The following CSMD1 variants were observed in gnomAD, a reference collection of about 807,000 sequenced individuals.
CSMD1 encodes the protein CUB and sushi domain-containing protein 1.
A neutral mutation model predicts 417.5 loss-of-function variants in CSMD1; 213 were observed. That is an observed-to-expected ratio of 0.51 (90% CI 0.46 to 0.57). The LOEUF is 0.57. Among genes scored for constraint, CSMD1 ranks in the 20% least tolerant of loss-of-function variants. The probability of loss-of-function intolerance (pLI) is 0.00; values close to 1 mark genes in which losing one functional copy is unlikely to be tolerated. For missense variants in CSMD1, 6,923 were observed against 4,529.7 expected (o/e 1.53, Z -15.17); for synonymous variants, 2,862 against 1,736.8 (o/e 1.65, Z -16.11).
intron 3 of CSMD1, among the ~76,000 whole-genome samples, chr8:4,419,486 T>G (rs1293217508): frequency 1.3e-5 from 2 of 152,150 alleles, no homozygotes; most frequent in Non-Finnish European, 2.9e-5. Context: ...ATGCCTTGCA[T>G]GATCAAACAA....
In CSMD1 at chr8:3,101,715, G is replaced by A. The variant is rs191696206; in HGVS notation, c.6950-4678C>T. Among the ~76,000 whole-genome samples, 183 of 151,628 alleles carry A rather than the reference G, an allele frequency of 1.2e-3. 1 individual carries two copies. Among genetic ancestry groups the A allele is most frequent in the African/African-American group, 4.0e-3 (167 of 41,382 alleles). On this transcript the variant is annotated intron_variant, in intron 46 of 69. Coordinates refer to ENST00000635120, the MANE Select transcript of CSMD1 (RefSeq NM_033225.6). ...AATAGGATTATAGGCATGAGCCACC[G>A]CATCCGACCAATCCTGACTTTCAAA...
chr8:4,412,208 A>AC (rs1320905110), intron 3 of CSMD1, among the ~76,000 whole-genome samples: 1 of 151,876 alleles, frequency 6.6e-6, no homozygotes, highest in Non-Finnish European at 1.5e-5. Context: ...TTAAATTGTA[A>AC]CCCCCAGTAT....
intron 10 of CSMD1, among the ~76,000 whole-genome samples, chr8:3,571,499 C>A (rs1247650403): frequency 6.6e-6 from 1 of 152,138 alleles, no homozygotes; most frequent in Admixed American, 6.5e-5. Flanking sequence ...GACTCCTCTG[C>A]GACAGAAGCA....
intron 3 of CSMD1, among the ~76,000 whole-genome samples, chr8:4,035,456 AG>A (rs1225792023): frequency 6.6e-6 from 1 of 150,612 alleles, no homozygotes; most frequent in Non-Finnish European, 1.5e-5. Context: ...GGATTCCAAA[AG>A]GAGGCATTAT....
rs572513372 is a variant in CSMD1, at chr8:3,340,250, A to G, written c.3631+3044T>C. ...TCTGAAGACTCGGTTTTTAATTCAT[A>G]AAGAAGAGTAGAAGGAGCTATTTCC... On this transcript the variant is annotated intron_variant, in intron 23 of 69. Transcript: ENST00000635120. Among the ~76,000 whole-genome samples, 5 of 152,324 alleles carry G rather than the reference A, an allele frequency of 3.3e-5. No homozygotes were observed. The East Asian group carries it at 5.8e-4, about 18-fold the overall frequency.
intron 1 of CSMD1, chr8:4,788,048 G>T: frequency 6.3e-7 from 1 of 1,593,368 alleles, no homozygotes. Flanking sequence ...AAATGGTAAA[G>T]AAAAACTTTG....
Position 4,429,609 on chromosome 8 carries a change from G to C in CSMD1, c.303-9544C>G, listed in dbSNP as rs75407599. 3.5e-3 allele frequency among the ~76,000 whole-genome samples: 540 copies of C among 152,242 alleles called. 21 individuals carry two copies. In the East Asian group the frequency reaches 0.047, roughly 13 times the overall value. The stretch of plus-strand genomic sequence containing the variant: ...AGGAGGCAAAGAAAGTCAAAGTTTA[G>C]AGACTATTCCAGAGAGAGAAACGAA... On this transcript the variant is annotated intron_variant, in intron 2 of 69. Transcript: ENST00000635120.
intron 23 of CSMD1, among the ~76,000 whole-genome samples, chr8:3,319,114 T>G (rs1216418598): frequency 6.6e-6 from 1 of 152,078 alleles, no homozygotes; most frequent in Non-Finnish European, 1.5e-5. Context: ...ATCCAGATAA[T>G]AACTGAAGAA....
At chr8:3,703,790 G>C (rs1052068415) in intron 7 of CSMD1, among the ~76,000 whole-genome samples, 3 of 152,136 alleles carry the variant, frequency 2.0e-5, no homozygotes, top group African/African-American at 7.2e-5. Flanking sequence ...TTAACTCTCA[G>C]CTGGGCATGG....
At chr8:4,209,836 C>T (rs945220010) in intron 3 of CSMD1, among the ~76,000 whole-genome samples, 2 of 152,172 alleles carry the variant, frequency 1.3e-5, no homozygotes, top group African/African-American at 4.8e-5. Flanking sequence ...CAATTACATG[C>T]AAAATAAGGA....
chr8:3,497,608 T>C (rs1489106814), intron 10 of CSMD1, among the ~76,000 whole-genome samples: 1 of 152,204 alleles, frequency 6.6e-6, no homozygotes, highest in African/African-American at 2.4e-5. Context: ...CTGATAAAAG[T>C]ATGGCTATTC....
chr8:4,214,011 G>T (rs1800480616), intron 3 of CSMD1, among the ~76,000 whole-genome samples: 1 of 152,160 alleles, frequency 6.6e-6, no homozygotes, highest in Admixed American at 6.5e-5. Context: ...GCAAAGTTCT[G>T]ACGATGTAAG....
chr8:3,721,283 C>G (rs1197805249), intron 6 of CSMD1, among the ~76,000 whole-genome samples: 1 of 152,070 alleles, frequency 6.6e-6, no homozygotes, highest in Admixed American at 6.6e-5. Context: ...CCTCAAGGAT[C>G]TGAGATGAGT....
chr8:4,684,090 T>C (rs1264865481), intron 1 of CSMD1, among the ~76,000 whole-genome samples: 2 of 152,190 alleles, frequency 1.3e-5, no homozygotes, highest in Non-Finnish European at 1.5e-5. Context: ...CCAGGGAATT[T>C]TGTACAAGTG....
At position 3,822,687 on chromosome 8, in the gene CSMD1, A is replaced by G. The variant is rs140894601; in HGVS notation, c.819-68645T>C. Among the ~76,000 whole-genome samples the G allele has an allele frequency of 1.6e-3, 248 of 152,248 alleles. 9 individuals are homozygous for G. In the East Asian group the frequency reaches 0.04, roughly 24 times the overall value. On this transcript the variant is annotated intron_variant, in intron 5 of 69. Coordinates refer to ENST00000635120, the MANE Select transcript of CSMD1 (RefSeq NM_033225.6). The stretch of plus-strand genomic sequence containing the variant: ...TCTTCTCAGCTTCACAGTCACGGCA[A>G]TGACTTCCTCCTGGGCAGGTGACAC...
intron 2 of CSMD1, among the ~76,000 whole-genome samples, chr8:4,572,558 T>C (rs2130661625): frequency 1.3e-5 from 2 of 152,324 alleles, no homozygotes; most frequent in East Asian, 3.9e-4. Flanking sequence ...CATTTTTTCC[T>C]GTGTTTCAAC....
rs567679617 is a variant in CSMD1, at chr8:4,319,597, G to C, written c.415+100356C>G. ...GTTGAATAACAGGAAATACAGAGTGGTGATTCCTGAGAGAAGAAAACAAAA... is the reference window on the plus strand; with the variant it reads ...GTTGAATAACAGGAAATACAGAGTGCTGATTCCTGAGAGAAGAAAACAAAA... On this transcript the variant is annotated intron_variant, in intron 3 of 69. Coordinates refer to ENST00000635120, the MANE Select transcript of CSMD1 (RefSeq NM_033225.6). 2.0e-5 allele frequency among the ~76,000 whole-genome samples: 3 copies of C among 152,230 alleles called. No homozygotes were observed. The South Asian group carries it at 6.2e-4, about 32-fold the overall frequency.
intron 1 of CSMD1, among the ~76,000 whole-genome samples, chr8:4,730,930 C>G (rs1194977289): frequency 6.6e-6 from 1 of 152,042 alleles, no homozygotes. Flanking sequence ...ATTCCTGAGG[C>G]AACCAGGGCC....
intron 12 of CSMD1, among the ~76,000 whole-genome samples, chr8:3,440,001 C>A (rs1228732641): frequency 6.6e-6 from 1 of 152,174 alleles, no homozygotes; most frequent in Admixed American, 6.5e-5. Flanking sequence ...CTATTCCATT[C>A]CATTAATCTC....
Sources: allele counts gnomAD v4.1 joint callset (sites outside exome capture counted in the v4.1 genomes callset), GRCh38; gene constraint gnomAD v4.1.1; transcripts MANE v1.5; gene names NCBI Gene and HGNC (gene_info 2026-07-23, HGNC 2026-07-21).